The following MTMR9 variants were observed in gnomAD, a reference collection of about 807,000 sequenced individuals.
The protein encoded by MTMR9 is myotubularin related protein 9.
Under a neutral mutation model 69.5 loss-of-function variants are expected in MTMR9, and 39 were observed. The ratio of observed to expected loss-of-function variants is 0.56; its 90% CI spans 0.43 to 0.73. The LOEUF is 0.73. MTMR9 is among the 30% of genes least tolerant of loss of function. The pLI, the probability that MTMR9 is intolerant of heterozygous loss-of-function variation, is 0.00. For synonymous variants in MTMR9, 354 were observed against 240.8 expected, an observed-to-expected ratio of 1.47 and a Z score of -4.35; for missense variants, 900 against 671.2, an observed-to-expected ratio of 1.34 and a Z score of -3.77.
intron 3 of MTMR9, 42 bp downstream of exon 3, chr8:11,300,190 C>A: frequency 6.2e-7 from 1 of 1,600,864 alleles, no homozygotes; most frequent in African/African-American, 1.3e-5. Context: ...AGAAGTAACC[C>A]AATACCTTAT....
downstream of MTMR9, chr8:11,331,660 C>G (rs142695788): frequency 2.4e-5 from 38 of 1,612,132 alleles, no homozygotes; most frequent in Non-Finnish European, 3.1e-5. Context: ...GAGGGGACCA[C>G]AGGTGTCTAC....
chr8:11,337,768 G>A, the MTMR9 span, among the ~76,000 whole-genome samples: 1 of 152,176 alleles, frequency 6.6e-6, no homozygotes, highest in Non-Finnish European at 1.5e-5. Flanking sequence ...CTAGGTACCA[G>A]TGACTGAATT....
chr8:11,289,319 G>A (rs1000186184), intron 1 of MTMR9, among the ~76,000 whole-genome samples: 5 of 152,210 alleles, frequency 3.3e-5, no homozygotes, highest in Non-Finnish European at 5.9e-5. Context: ...CTTCAGTTCT[G>A]CCTCTTACTA....
intron 1 of MTMR9, among the ~76,000 whole-genome samples, chr8:11,293,758 T>G (rs1380899902): frequency 6.6e-6 from 1 of 150,754 alleles, no homozygotes; most frequent in African/African-American, 2.5e-5. Flanking sequence ...TAGATTCAAA[T>G]TCTTTAAAAA....
At position 11,327,181 on chromosome 8, in the gene MTMR9, A is replaced by G. The variant is rs979904916; in HGVS notation, c.*4393A>G. 2 of 152,178 alleles carry G rather than the reference A, an allele frequency of 1.3e-5. No individual in the cohort carries two copies. The highest frequency in any genetic ancestry group is 6.5e-5 in the Admixed American group (1 of 15,274). The allele number at this position is 152,178 out of a possible 1,614,324, so 9.4% of individuals were successfully genotyped here. A position where few individuals can be genotyped will look rare whatever the true frequency, so the allele number is the denominator to read the frequency against. The stretch of plus-strand genomic sequence containing the variant: ...AGAAGAGACCCTCTGAAATTCTAGG[A>G]CTGGATATTAAAATGCCTGAACCTG... On this transcript the variant is annotated 3_prime_UTR_variant, in exon 10 of 10. Coordinates refer to ENST00000221086, the MANE Select transcript of MTMR9 (RefSeq NM_015458.4).
chr8:11,318,400 A>T (rs537031637), intron 8 of MTMR9: 11 of 152,212 alleles, frequency 7.2e-5, no homozygotes, highest in Non-Finnish European at 1.2e-4. Flanking sequence ...TTAAAGTCCA[A>T]TGCCACATAG....
At chr8:11,295,499 A>T (rs201997220) in intron 2 of MTMR9, among the ~76,000 whole-genome samples, 197 bp downstream of exon 2, 1 of 64,536 alleles carries the variant, frequency 1.5e-5, no homozygotes, top group African/African-American at 3.6e-5. Flanking sequence ...GTCTGGTGTT[A>T]CTCACGTTAT....
intron 2 of MTMR9, chr8:11,298,664 C>G (rs1212373136): frequency 4.2e-6 from 3 of 719,794 alleles, no homozygotes; most frequent in Non-Finnish European, 5.1e-6. Flanking sequence ...GTGAATGTCT[C>G]CATCATTCCT....
chr8:11,297,793 G>T (rs919152156), intron 2 of MTMR9: 1 of 448,120 alleles, frequency 2.2e-6, no homozygotes, highest in Non-Finnish European at 4.5e-6. Flanking sequence ...AAAAGAAGCC[G>T]TAAATTATGA....
rs979874361 is a variant in MTMR9 at position 11,326,469 on chromosome 8, T to G, written c.*3681T>G. The G allele has an allele frequency of 2.0e-5, 3 of 150,838 alleles. No individual in the cohort carries two copies. Among genetic ancestry groups the G allele is most frequent in the Admixed American group, 1.3e-4 (2 of 15,188 alleles). 9.3% of individuals were successfully genotyped at this position (150,838 alleles called of 1,614,324 possible). ...AGTCATTCAGTACATCTGATAAAGTTTTGTTGTTGTTGTTGTTGTTGTTGT... is the reference window on the plus strand; with the variant it reads ...AGTCATTCAGTACATCTGATAAAGTGTTGTTGTTGTTGTTGTTGTTGTTGT... On this transcript the variant is annotated 3_prime_UTR_variant, in exon 10 of 10. Transcript: ENST00000221086.
chr8:11,297,633 G>C (rs1483182630), intron 2 of MTMR9, among the ~76,000 whole-genome samples: 1 of 151,722 alleles, frequency 6.6e-6, no homozygotes, highest in Non-Finnish European at 1.5e-5. Context: ...GCTGGTTGGT[G>C]TCAGAGATGC....
Position 11,316,722 on chromosome 8 carries a change from C to A in MTMR9, c.1163C>A (p.Thr388Asn). 1 of 1,613,518 alleles carries A rather than the reference C, an allele frequency of 6.2e-7. No homozygotes were observed. Among genetic ancestry groups the A allele is most frequent in the Non-Finnish European group, 8.5e-7 (1 of 1,179,792 alleles). Residue 388 changes from threonine (T) to asparagine (N), a missense_variant, in exon 8 of 10, where the codon ACC (threonine) becomes AAC (asparagine). Coordinates refer to ENST00000221086, the MANE Select transcript of MTMR9 (RefSeq NM_015458.4). ...QRCAQSAYCNTKQKWEAPVFL... is the reference protein window; with the variant it reads ...QRCAQSAYCNNKQKWEAPVFL... ...TGTGCACAGTCAGCCTACTGTAACA[C>A]CAAGCAGAAGTGGGAGGCTCCTGTA...
downstream of MTMR9, chr8:11,330,889 C>G (rs1275630956): frequency 8.7e-6 from 9 of 1,037,792 alleles, no homozygotes; most frequent in Non-Finnish European, 1.1e-5. Flanking sequence ...TCCCCCTCTG[C>G]GAGAAACACC....
chr8:11,288,261 T>A (rs1324037044), intron 1 of MTMR9, among the ~76,000 whole-genome samples: 3 of 138,300 alleles, frequency 2.2e-5, no homozygotes, highest in African/African-American at 8.1e-5. Flanking sequence ...TTATAATAAT[T>A]ATATATTATA....
intron 6 of MTMR9, among the ~76,000 whole-genome samples, chr8:11,312,588 GC>G (rs1800248003): frequency 6.6e-6 from 1 of 152,134 alleles, no homozygotes; most frequent in Admixed American, 6.5e-5. Context: ...AAAGCCTTAT[GC>G]CCCTCAAAGT....
At chr8:11,334,894 T>C in the MTMR9 span, among the ~76,000 whole-genome samples, 3 of 152,210 alleles carry the variant, frequency 2.0e-5, no homozygotes, top group Non-Finnish European at 4.4e-5. Flanking sequence ...TCCAAAACTT[T>C]ATGCTAAAAC....
intron 1 of MTMR9, among the ~76,000 whole-genome samples, chr8:11,293,583 C>G (rs961972196): frequency 3.3e-5 from 5 of 152,032 alleles, no homozygotes; most frequent in Admixed American, 2.6e-4. Context: ...TCAGTTTGTT[C>G]TTTTATAGAT....
rs1800803577 is a variant in MTMR9, at chr8:11,323,844, G to A, written c.*1056G>A. 1 of 152,084 alleles carries A rather than the reference G, an allele frequency of 6.6e-6. No individual in the cohort carries two copies. Among genetic ancestry groups the A allele is most frequent in the African/African-American group, 2.4e-5 (1 of 41,400 alleles). The allele number at this position is 152,084 out of a possible 1,614,324, so 9.4% of individuals were successfully genotyped here. On this transcript the variant is annotated 3_prime_UTR_variant, in exon 10 of 10. Transcript: ENST00000221086. ...TATTGATTTGTCCATTATGTGTTAG[G>A]CAAATATAACTTAAGTGGAGGGGGA...
chr8:11,287,859 T>C (rs1344792440), intron 1 of MTMR9, among the ~76,000 whole-genome samples: 1 of 113,018 alleles, frequency 8.8e-6, no homozygotes, highest in Non-Finnish European at 1.6e-5. Flanking sequence ...ATATATGTTA[T>C]ATATTATATT....
Sources: allele counts gnomAD v4.1 joint callset (sites outside exome capture counted in the v4.1 genomes callset), GRCh38; gene constraint gnomAD v4.1.1; transcripts MANE v1.5; gene names NCBI Gene and HGNC (gene_info 2026-07-23, HGNC 2026-07-21).